The following BID variants were observed in gnomAD, a reference collection of about 807,000 sequenced individuals.
BID encodes the protein BH3-interacting domain death agonist.
BID carries 19 observed loss-of-function variants against 17.4 expected under a neutral mutation model. The observed-to-expected ratio is 1.09, with a 90% CI of 0.76 to 1.60. The LOEUF is 1.60. Among genes scored for constraint, BID ranks in the 40% most tolerant of loss-of-function variants. The pLI is 0.00. For synonymous variants in BID, 108 were observed against 102.8 expected (o/e 1.05, Z -0.31); for missense variants, 226 against 256.0 (o/e 0.88, Z 0.80).
chr22:17,734,890 C>T lies in BID; in HGVS notation c.*690G>A, dbSNP rs1409431484. 1 of 152,212 alleles carries T rather than the reference C, an allele frequency of 6.6e-6. No individual in the cohort carries two copies. Among genetic ancestry groups the T allele is most frequent in the Non-Finnish European group, 1.5e-5 (1 of 68,048 alleles). 9.4% of individuals were successfully genotyped at this position (152,212 alleles called of 1,614,324 possible). ...CTGACCTGGGCCCTTAAATCACCTT[C>T]ACACCTTTTAGAACCACAAGTGGTT... On this transcript the variant is annotated 3_prime_UTR_variant, in exon 6 of 6. Transcript: ENST00000622694.
rs958059943 is a variant in BID, at chr22:17,749,965, G to A, written c.12+140C>T. ...GCCTGCTTCAGTGAAGGGGCTGGGC[G>A]GGGTTCGTCTGTGCCGAGCTGTGGT... On this transcript the variant is annotated intron_variant, in intron 2 of 5. Transcript: ENST00000622694. The A allele has an allele frequency of 4.7e-5, 36 of 773,788 alleles. No individual in the cohort carries two copies. The Admixed American group carries it at 8.9e-4, about 19-fold the overall frequency. 47.9% of individuals were successfully genotyped at this position (773,788 alleles called of 1,614,324 possible).
chr22:17,739,873 G>T (rs2061446530), intron 3 of BID: 2 of 627,620 alleles, frequency 3.2e-6, no homozygotes, highest in South Asian at 3.8e-5. Context: ...AAGGGGCTCT[G>T]TGGGCAGACG....
chr22:17,758,114 A>G (rs1020864768), intron 1 of BID, among the ~76,000 whole-genome samples: 3 of 152,150 alleles, frequency 2.0e-5, no homozygotes, highest in Non-Finnish European at 4.4e-5. Context: ...GGGTCCAGTC[A>G]TGTCTGTTTG....
intron 1 of BID, among the ~76,000 whole-genome samples, chr22:17,761,076 T>C (rs969088223): frequency 1.8e-4 from 27 of 152,182 alleles, no homozygotes; most frequent in Admixed American, 1.0e-3. Context: ...CCCGTGCAGG[T>C]CTTACAAGAT....
intron 1 of BID, among the ~76,000 whole-genome samples, chr22:17,765,128 T>C (rs957917131): frequency 2.0e-5 from 3 of 152,076 alleles, no homozygotes; most frequent in African/African-American, 7.2e-5. Context: ...CCAAAGCCTG[T>C]GTGTCCGGCT....
intron 2 of BID, among the ~76,000 whole-genome samples, chr22:17,749,222 G>C (rs2061518636): frequency 6.6e-6 from 1 of 152,150 alleles, no homozygotes; most frequent in Non-Finnish European, 1.5e-5. Flanking sequence ...GGGTGGGAGA[G>C]AGCACCCGTG....
At chr22:17,742,019 C>T (rs1205448650) in intron 3 of BID, among the ~76,000 whole-genome samples, 3 of 152,236 alleles carry the variant, frequency 2.0e-5, no homozygotes, top group African/African-American at 7.2e-5. Flanking sequence ...CAGTTACGGA[C>T]ACGTCCTCTC....
chr22:17,736,788 G>A (rs370150032), intron 5 of BID, among the ~76,000 whole-genome samples: 21 of 151,724 alleles, frequency 1.4e-4, no homozygotes, highest in African/African-American at 4.4e-4. Flanking sequence ...AACTACAGGC[G>A]TACGCCACCA....
At chr22:17,756,926 T>C (rs2061595520) in intron 1 of BID, among the ~76,000 whole-genome samples, 1 of 151,100 alleles carries the variant, frequency 6.6e-6, no homozygotes, top group Admixed American at 6.6e-5. Flanking sequence ...ACCTGACCAT[T>C]ACATGGTGCA....
chr22:17,754,779 T>C (rs931839787), intron 1 of BID, among the ~76,000 whole-genome samples: 2 of 152,232 alleles, frequency 1.3e-5, no homozygotes, highest in Admixed American at 1.3e-4. Flanking sequence ...TGTGTTTTTT[T>C]TGGAGACAGA....
At chr22:17,764,632 G>A (rs193065538) in intron 1 of BID, among the ~76,000 whole-genome samples, 50 of 152,300 alleles carry the variant, frequency 3.3e-4, no homozygotes, top group African/African-American at 1.1e-3. Context: ...GTTGGGGGGT[G>A]GAAATAAGGT....
intron 3 of BID, among the ~76,000 whole-genome samples, chr22:17,741,416 T>C (rs1233341201): frequency 6.6e-6 from 1 of 152,058 alleles, no homozygotes; most frequent in East Asian, 1.9e-4. Context: ...AGCCTGAAAG[T>C]ACGTCTGACT....
In BID at chr22:17,750,128, C is replaced by T. The variant is rs770963886; in HGVS notation, c.-12G>A. 4 of 1,613,334 alleles carry T rather than the reference C, an allele frequency of 2.5e-6. No individual in the cohort carries two copies. The highest frequency in any genetic ancestry group is 4.5e-5 in the East Asian group (2 of 44,876). On this transcript the variant is annotated 5_prime_UTR_variant, in exon 2 of 6. Coordinates refer to ENST00000622694, the MANE Select transcript of BID (RefSeq NM_001196.4). Reference sequence around the variant, plus strand: ...ACCTCACAGTCCATGGCCTGGGCAGCGCGGCAGCTCCGACTCACTCCTGGT... The same window carrying T: ...ACCTCACAGTCCATGGCCTGGGCAGTGCGGCAGCTCCGACTCACTCCTGGT...
intron 1 of BID, among the ~76,000 whole-genome samples, chr22:17,751,814 G>A (rs901130118): frequency 6.6e-6 from 1 of 152,240 alleles, no homozygotes; most frequent in Non-Finnish European, 1.5e-5. Flanking sequence ...TGAGCTGCAT[G>A]TGGACAGGGA....
At chr22:17,761,331 A>G (rs1231882778) in intron 1 of BID, among the ~76,000 whole-genome samples, 1 of 152,184 alleles carries the variant, frequency 6.6e-6, no homozygotes, top group East Asian at 1.9e-4. Context: ...AATAAGCACA[A>G]ACATAATAAA....
chr22:17,747,242 C>T (rs777870274), intron 2 of BID, among the ~76,000 whole-genome samples: 7 of 152,122 alleles, frequency 4.6e-5, no homozygotes, highest in East Asian at 1.9e-4. Context: ...GGAGTGGGCT[C>T]GGAAGATGGA....
In BID at chr22:17,769,099, G is replaced by A. The variant is rs1431945194; in HGVS notation, c.-59+5282C>T. Among the ~76,000 whole-genome samples the A allele has an allele frequency of 6.6e-6, 1 of 152,040 alleles. No individual in the cohort carries two copies. Among genetic ancestry groups the A allele is most frequent in the Non-Finnish European group, 1.5e-5 (1 of 68,002 alleles). ...TAATAACTAAATAAATAAAGAACAA[G>A]GCTTTCACCACATCCCAGGCAGAGT... On this transcript the variant is annotated intron_variant, in intron 1 of 5. Coordinates refer to ENST00000622694, the MANE Select transcript of BID (RefSeq NM_001196.4). This position sits in a 1 kb window ranked among gnomAD's most constrained non-coding sequence, Gnocchi z 4.8.
intron 1 of BID, among the ~76,000 whole-genome samples, chr22:17,764,793 C>A (rs2061666796): frequency 6.6e-6 from 1 of 152,164 alleles, no homozygotes; most frequent in Admixed American, 6.6e-5. Context: ...TGCTTTGATC[C>A]TGAGACAGTC....
intron 3 of BID, among the ~76,000 whole-genome samples, chr22:17,742,470 T>TCCCCCCCCCCCCCCCC (rs1158334746): frequency 2.5e-5 from 3 of 121,268 alleles, no homozygotes; most frequent in East Asian, 2.5e-4. Flanking sequence ...CTCAGACACC[T>TCCCCCCCCCCCCCCCC]CCCCCCACCC....
Sources: gnomAD v4.1 joint callset for allele counts (sites outside exome capture counted in the v4.1 genomes callset) on GRCh38, gnomAD v4.1.1 for gene constraint, Gnocchi (gnomAD v3.1) non-coding constraint, MANE v1.5 for transcripts, NCBI Gene and HGNC (gene_info 2026-07-23, HGNC 2026-07-21) for gene names.